Variants in PCDHGA5 observed in about 807,000 individuals in gnomAD.
The protein encoded by PCDHGA5 is protocadherin gamma-A5.
PCDHGA5 carries 36 observed loss-of-function variants against 56.7 expected under a neutral mutation model. The ratio of observed to expected loss-of-function variants is 0.64; its 90% CI spans 0.49 to 0.84. PCDHGA5 has a LOEUF of 0.84. Among genes scored for constraint, PCDHGA5 ranks in the 40% least tolerant of loss-of-function variants. The probability of loss-of-function intolerance (pLI) is 0.00; values close to 1 mark genes in which losing one functional copy is unlikely to be tolerated. For missense variants in PCDHGA5, 1,305 were observed against 1,201.5 expected (o/e 1.09, Z -1.27); for synonymous variants, 563 against 520.2 (o/e 1.08, Z -1.12).
chr5:141,400,282 G>T (rs774476991), intron 1 of PCDHGA5: 2 of 1,613,974 alleles, frequency 1.2e-6, no homozygotes, highest in Non-Finnish European at 1.7e-6. Context: ...CAGCCCTGCC[G>T]CCTGGAGCTG....
intron 1 of PCDHGA5, among the ~76,000 whole-genome samples, chr5:141,460,104 T>C (rs2098982178): frequency 6.6e-6 from 1 of 151,986 alleles, no homozygotes; most frequent in African/African-American, 2.4e-5. Flanking sequence ...CATGTAATTA[T>C]ATATGATTTT....
At position 141,476,321 on chromosome 5, in the gene PCDHGA5, G is replaced by A; in HGVS notation, c.2422-18486G>A. 1 of 1,614,196 alleles carries A rather than the reference G, an allele frequency of 6.2e-7. No homozygotes were observed. The highest frequency in any genetic ancestry group is 1.3e-5 in the African/African-American group (1 of 75,054). ...CCTCTCAGCCCGCAGGTTCCGGGTG[G>A]TGTCTGGAGCTAGCCGAAGATTCTT... On this transcript the variant is annotated intron_variant, in intron 1 of 3. Coordinates refer to ENST00000518069, the MANE Select transcript of PCDHGA5 (RefSeq NM_018918.3). The surrounding 1 kb of genome is among the most constrained non-coding windows in gnomAD (Gnocchi z 7.6).
chr5:141,373,525 A>G (rs1404075299), intron 1 of PCDHGA5, among the ~76,000 whole-genome samples: 1 of 152,222 alleles, frequency 6.6e-6, no homozygotes, highest in Non-Finnish European at 1.5e-5. Flanking sequence ...TTTGTCTCCA[A>G]AAAAGTGTTT....
chr5:141,388,432 A>G (rs760022375), intron 1 of PCDHGA5: 2 of 1,613,878 alleles, frequency 1.2e-6, no homozygotes, highest in Non-Finnish European at 8.5e-7. Context: ...CTGATAAATA[A>G]AGAGAAATCA....
At chr5:141,495,800 C>T (rs1351461035) in intron 2 of PCDHGA5, among the ~76,000 whole-genome samples, 5 of 152,134 alleles carry the variant, frequency 3.3e-5, no homozygotes, top group Non-Finnish European at 7.3e-5. Context: ...CTCCTTTCAC[C>T]GTTTCCTAGC....
At chr5:141,441,948 G>A in intron 1 of PCDHGA5, 1 of 332,472 alleles carries the variant, frequency 3.0e-6, no homozygotes, top group Non-Finnish European at 5.8e-6. Flanking sequence ...ACGTGCTGCA[G>A]GCCAGCAAGC....
rs905837179 is a variant in PCDHGA5 at position 141,478,541 on chromosome 5, G to A, written c.2422-16266G>A. ...GTTGGGTGCAGAGAGCGCCCCTCCCGGACAGGTAAGGTTTAGCAAGTCATG... is the reference window on the plus strand; with the variant it reads ...GTTGGGTGCAGAGAGCGCCCCTCCCAGACAGGTAAGGTTTAGCAAGTCATG... On this transcript the variant is annotated intron_variant, in intron 1 of 3. Coordinates refer to ENST00000518069, the MANE Select transcript of PCDHGA5 (RefSeq NM_018918.3). 4 of 1,605,470 alleles carry A rather than the reference G, an allele frequency of 2.5e-6. No homozygotes were observed. The Admixed American group carries it at 5.2e-5, about 21-fold the overall frequency.
intron 1 of PCDHGA5, among the ~76,000 whole-genome samples, chr5:141,406,193 C>T (rs2094777569): frequency 1.3e-5 from 2 of 151,820 alleles, no homozygotes. Flanking sequence ...CCACCTCAGC[C>T]TTCACAGTAG....
At chr5:141,388,957 C>T (rs1378746840) in intron 1 of PCDHGA5, 7 of 1,613,822 alleles carry the variant, frequency 4.3e-6, no homozygotes, top group Non-Finnish European at 5.9e-6. Flanking sequence ...ATGGAGGACG[C>T]CGAGCTGGGA....
intron 1 of PCDHGA5, chr5:141,441,653 G>T: frequency 4.1e-6 from 1 of 243,884 alleles, no homozygotes; most frequent in Non-Finnish European, 8.2e-6. Context: ...GATTCTAGGT[G>T]TCCTTGAGCG....
rs1167791830 is a variant in PCDHGA5 at position 141,420,032 on chromosome 5, G to A, written c.2421+53281G>A. 6.2e-7 allele frequency: 1 copy of A among 1,613,956 alleles called. No individual in the cohort carries two copies. Among genetic ancestry groups the A allele is most frequent in the Non-Finnish European group, 8.5e-7 (1 of 1,179,920 alleles). ...ACAGTCTTTCAGCCCTACTGCAGGA[G>A]ACTGCTTTGAGTCAGTTCTCTGCTC... On this transcript the variant is annotated intron_variant, in intron 1 of 3. Coordinates refer to ENST00000518069, the MANE Select transcript of PCDHGA5 (RefSeq NM_018918.3).
intron 1 of PCDHGA5, chr5:141,427,194 T>G (rs759512205): frequency 6.6e-6 from 3 of 456,512 alleles, no homozygotes; most frequent in Non-Finnish European, 1.3e-5. Context: ...ATCCAAAGAC[T>G]TAATAGACTT....
Position 141,364,897 on chromosome 5 carries a change from A to C in PCDHGA5, c.567A>C (p.Gln189His), listed in dbSNP as rs780576369. 45 of 1,613,852 alleles carry C rather than the reference A, an allele frequency of 2.8e-5. No homozygotes were observed. In the Admixed American group the frequency reaches 3.2e-4, roughly 11 times the overall value. ...ATGTGGTAAGCGGAACTGATGGACA[A>C]AAGTATCCGGAGCTGGTGTTGGAAC... The part of the protein sequence containing the change: ...SLDVVSGTDG[Q>H]KYPELVLEQP... Residue 189 changes from glutamine to histidine, a missense_variant, in exon 1 of 4, where the codon CAA becomes CAC. By Grantham distance (24) the Gln-to-His change is conservative. Transcript: ENST00000518069.
intron 1 of PCDHGA5, chr5:141,422,289 T>A: frequency 1.3e-6 from 2 of 1,553,678 alleles, no homozygotes; most frequent in Non-Finnish European, 1.7e-6. Context: ...CCTCTTCTAT[T>A]AATTCAATTC....
intron 1 of PCDHGA5, among the ~76,000 whole-genome samples, chr5:141,425,769 A>C (rs1355689852): frequency 6.6e-6 from 1 of 152,256 alleles, no homozygotes; most frequent in Non-Finnish European, 1.5e-5. Flanking sequence ...ACAGGAGAGA[A>C]GACTTTGCCT....
chr5:141,471,893 T>G (rs1289667371), intron 1 of PCDHGA5, among the ~76,000 whole-genome samples: 1 of 152,166 alleles, frequency 6.6e-6, no homozygotes, highest in African/African-American at 2.4e-5. Flanking sequence ...CTAGGAAGAT[T>G]GACTACAGAC....
chr5:141,384,735 C>T (rs1258816819), intron 1 of PCDHGA5: 9 of 1,614,026 alleles, frequency 5.6e-6, no homozygotes, highest in Non-Finnish European at 6.8e-6. Flanking sequence ...TTAAGGCCAG[C>T]GAGCCAGGAC....
At chr5:141,478,279 G>A (rs2099443292) in intron 1 of PCDHGA5, 1 of 1,614,202 alleles carries the variant, frequency 6.2e-7, no homozygotes, top group Middle Eastern at 1.6e-4. Context: ...ACAAGTGGAA[G>A]CAGTCTAGAG....
chr5:141,372,221 G>A (rs1229058896), intron 1 of PCDHGA5: 1 of 1,613,398 alleles, frequency 6.2e-7, no homozygotes, highest in African/African-American at 1.3e-5. Context: ...ACCACATTGT[G>A]CAGGCCAGCG....
Sources: allele counts gnomAD v4.1 joint callset (sites outside exome capture counted in the v4.1 genomes callset), GRCh38; gene constraint gnomAD v4.1.1; non-coding constraint Gnocchi (gnomAD v3.1); transcripts MANE v1.5; gene names NCBI Gene and HGNC (gene_info 2026-07-23, HGNC 2026-07-21).